The following GPC3 variants were observed in gnomAD, a reference collection of about 807,000 sequenced individuals.
GPC3 encodes glypican 3.
A neutral mutation model predicts 34.4 loss-of-function variants in GPC3; 3 were observed. The observed-to-expected ratio is 0.09, with a 90% CI of 0.04 to 0.23. The LOEUF (loss-of-function observed/expected upper bound fraction) is 0.23. Ranked by LOEUF, GPC3 falls within the 10% of genes least tolerant of loss-of-function variation. The probability of loss-of-function intolerance (pLI) is 1.00; values close to 1 mark genes in which losing one functional copy is unlikely to be tolerated. For synonymous variants in GPC3, 177 were observed against 174.0 expected, an observed-to-expected ratio of 1.02 and a Z score of -0.13; for missense variants, 351 against 445.6, an observed-to-expected ratio of 0.79 and a Z score of 1.91.
intron 5 of GPC3, among the ~76,000 whole-genome samples, chrX:133,665,750 T>C (rs556865208): frequency 1.2e-4 from 14 of 112,208 alleles, no homozygotes; most frequent in African/African-American, 4.2e-4. Context: ...AGCTCACTAC[T>C]AGCCTCCTCT....
chrX:133,892,147 T>C (rs1159229600), intron 2 of GPC3, among the ~76,000 whole-genome samples: 2 of 111,754 alleles, frequency 1.8e-5, no homozygotes, highest in East Asian at 5.6e-4. Flanking sequence ...ATGTAGTCCT[T>C]GCCTCTGAGG....
intron 2 of GPC3, among the ~76,000 whole-genome samples, chrX:133,822,942 G>A (rs980452393): frequency 1.9e-5 from 2 of 107,806 alleles, no homozygotes; most frequent in Non-Finnish European, 3.8e-5. Context: ...CAGCCTGGCC[G>A]ATATGGCGAA....
At chrX:133,650,222 A>G (rs1356066373) in intron 6 of GPC3, among the ~76,000 whole-genome samples, 2 of 111,660 alleles carry the variant, frequency 1.8e-5, no homozygotes, top group Non-Finnish European at 3.8e-5. Context: ...TGCAAAAGGA[A>G]TGCAGATTAA....
chrX:133,561,945 T>C (rs767445339), intron 7 of GPC3, among the ~76,000 whole-genome samples: 23 of 112,316 alleles, frequency 2.0e-4, no homozygotes, highest in African/African-American at 7.1e-4. Context: ...CTGGCATTGT[T>C]CCAGAATGAA....
chrX:133,540,945 T>TGTGC (rs2069336182), intron 7 of GPC3, among the ~76,000 whole-genome samples: 1 of 107,294 alleles, frequency 9.3e-6, no homozygotes, highest in Admixed American at 1.0e-4. Flanking sequence ...TGTGTGTGTG[T>TGTGC]GTGTGTGTGT....
chrX:133,673,737 A>C (rs2070856299), intron 5 of GPC3, among the ~76,000 whole-genome samples: 1 of 112,056 alleles, frequency 8.9e-6, no homozygotes, highest in African/African-American at 3.2e-5. Context: ...TCATCTATAA[A>C]ATAGGAATAA....
chrX:133,961,002 C>T (rs1276409178), intron 1 of GPC3, among the ~76,000 whole-genome samples: 6 of 111,989 alleles, frequency 5.4e-5, no homozygotes, highest in Admixed American at 2.8e-4. Context: ...ATTGGAATGA[C>T]GCCTTTTCCC....
At chrX:133,734,021 A>G (rs894755401) in intron 3 of GPC3, among the ~76,000 whole-genome samples, 1 of 112,218 alleles carries the variant, frequency 8.9e-6, no homozygotes, top group Admixed American at 9.4e-5. Flanking sequence ...TCTTTAGAAG[A>G]GGAAGGAATA....
chrX:133,853,691 G>A (rs1215973162), intron 2 of GPC3, among the ~76,000 whole-genome samples: 1 of 112,184 alleles, frequency 8.9e-6, no homozygotes. Context: ...TATTGAGGGA[G>A]GCAAAAATGA....
chrX:133,751,564 G>A (rs1306577988), intron 3 of GPC3, among the ~76,000 whole-genome samples: 2 of 112,197 alleles, frequency 1.8e-5, no homozygotes, highest in Non-Finnish European at 3.8e-5. Flanking sequence ...GCCATGCTGA[G>A]GGTTGCATCA....
chrX:133,574,353 AAAAGAGAG>A (rs1569386264), intron 7 of GPC3, among the ~76,000 whole-genome samples: 1 of 106,717 alleles, frequency 9.4e-6, no homozygotes, highest in Non-Finnish European at 2.0e-5. Flanking sequence ...TATTGAGAAA[AAAAGAGAG>A]AGAGAGAGAG....
intron 2 of GPC3, among the ~76,000 whole-genome samples, chrX:133,754,689 T>A (rs184063679): frequency 4.5e-4 from 51 of 112,155 alleles, no homozygotes; most frequent in African/African-American, 1.6e-3. Flanking sequence ...ATAAAAGCTA[T>A]CACGAATTTA....
chrX:133,723,026 G>A (rs1021835132), intron 3 of GPC3, among the ~76,000 whole-genome samples: 1 of 110,582 alleles, frequency 9.0e-6, no homozygotes, highest in Non-Finnish European at 1.9e-5. Flanking sequence ...CTTTTGATCA[G>A]TTCCTAAAAT....
intron 5 of GPC3, among the ~76,000 whole-genome samples, chrX:133,685,832 G>C (rs2070996207): frequency 1.9e-5 from 2 of 106,724 alleles, no homozygotes; most frequent in Admixed American, 2.0e-4. Flanking sequence ...GGCTCAAATA[G>C]TCCTCCTGCC....
intron 3 of GPC3, among the ~76,000 whole-genome samples, chrX:133,730,441 C>T (rs897253008): frequency 3.6e-5 from 4 of 111,907 alleles, no homozygotes; most frequent in Non-Finnish European, 7.5e-5. Flanking sequence ...TTTTTATTCA[C>T]TATTTCTATA....
chrX:133,649,786 C>A (rs780962163), intron 6 of GPC3, among the ~76,000 whole-genome samples: 8 of 111,600 alleles, frequency 7.2e-5, no homozygotes, highest in Non-Finnish European at 1.3e-4. Context: ...GTATCCCAGG[C>A]AGGCACAAAG....
chrX:133,542,845 G>T (rs1192692573), intron 7 of GPC3, among the ~76,000 whole-genome samples: 1 of 111,797 alleles, frequency 8.9e-6, no homozygotes, highest in African/African-American at 3.3e-5. Context: ...ACTGGGCTCT[G>T]CCATTCGCTC....
At chrX:133,730,130 C>T (rs889898633) in intron 3 of GPC3, among the ~76,000 whole-genome samples, 29 of 111,759 alleles carry the variant, frequency 2.6e-4, no homozygotes, top group Non-Finnish European at 2.6e-4. Context: ...ATGACTGTGG[C>T]ATGCATGCAA....
Position 133,793,659 on chromosome X carries a change from T to C in GPC3, c.338-39483A>G, listed in dbSNP as rs5933347. Among the ~76,000 whole-genome samples the C allele has an allele frequency of 3.9e-4, 44 of 111,867 alleles. 1 individual carries two copies. Among genetic ancestry groups the C allele is most frequent in the Admixed American group, 3.3e-3 (35 of 10,532 alleles). The stretch of plus-strand genomic sequence containing the variant: ...GGCTGCTCACAATTCTAATAGCCTA[T>C]ATATTTGTGTGTAAAACCAACAATC... On this transcript the variant is annotated intron_variant, in intron 2 of 7. Transcript: ENST00000370818.
Sources: allele counts gnomAD v4.1 joint callset (sites outside exome capture counted in the v4.1 genomes callset), GRCh38; gene constraint gnomAD v4.1.1; transcripts MANE v1.5; gene names NCBI Gene and HGNC (gene_info 2026-07-23, HGNC 2026-07-21).